Variants in PAX2 observed in about 807,000 individuals in gnomAD.
PAX2 encodes the protein paired box 2, also known as paired box protein Pax-2.
PAX2 carries 9 observed loss-of-function variants against 41.7 expected under a neutral mutation model. The observed-to-expected ratio is 0.22, with a 90% CI of 0.13 to 0.38. PAX2 has a LOEUF of 0.38. Among genes scored for constraint, PAX2 ranks in the 10% least tolerant of loss-of-function variants. PAX2 has a pLI of 1.00. For synonymous variants in PAX2, 221 were observed against 212.7 expected, an observed-to-expected ratio of 1.04 and a Z score of -0.34; for missense variants, 418 against 531.6, an observed-to-expected ratio of 0.79 and a Z score of 2.10.
chr10:100,828,816 A>C lies in PAX2; in HGVS notation c.*1197A>C. The C allele has an allele frequency of 4.4e-6, 1 of 229,116 alleles. No homozygotes were observed. The highest frequency in any genetic ancestry group is 8.7e-6 in the Non-Finnish European group (1 of 114,862). 14.2% of individuals were successfully genotyped at this position (229,116 alleles called of 1,614,324 possible). ...ATTTATTTAATATGATGGTCTTTGC[A>C]AAAAGGAACAAAACAACACAAAAGC... On this transcript the variant is annotated 3_prime_UTR_variant, in exon 10 of 10. Coordinates refer to ENST00000355243, the MANE Select transcript of PAX2 (RefSeq NM_000278.5). The surrounding 1 kb of genome is among the most constrained non-coding windows in gnomAD (Gnocchi z 6.5).
chr10:100,756,549 G>A (rs887905082), intron 3 of PAX2, among the ~76,000 whole-genome samples: 7 of 152,184 alleles, frequency 4.6e-5, no homozygotes, highest in Admixed American at 1.3e-4. Context: ...TGTGTTAGAT[G>A]ACTTTGGCCA....
intron 5 of PAX2, among the ~76,000 whole-genome samples, chr10:100,802,636 G>A (rs1021600681): frequency 6.6e-6 from 1 of 152,152 alleles, no homozygotes; most frequent in Non-Finnish European, 1.5e-5. Flanking sequence ...AATGCCACCC[G>A]GGAGAGTCTG....
rs892280255 is a variant in PAX2 at position 100,828,050 on chromosome 10, G to C, written c.*431G>C. The C allele has an allele frequency of 2.3e-4, 55 of 239,384 alleles. 1 individual carries two copies. The Admixed American group carries it at 2.8e-3, about 12-fold the overall frequency. 14.8% of individuals were successfully genotyped at this position (239,384 alleles called of 1,614,324 possible). On this transcript the variant is annotated 3_prime_UTR_variant, in exon 10 of 10. Coordinates refer to ENST00000355243, the MANE Select transcript of PAX2 (RefSeq NM_000278.5). The surrounding 1 kb of genome is among the most constrained non-coding windows in gnomAD (Gnocchi z 6.5). Reference sequence around the variant, plus strand: ...GCGGACCGCAGCGCGGCCCAGCCCCGGGCACCCGCCTCGGACGCTCGGGCG... The same window carrying C: ...GCGGACCGCAGCGCGGCCCAGCCCCCGGCACCCGCCTCGGACGCTCGGGCG...
At position 100,745,995 on chromosome 10, in the gene PAX2, C is replaced by T. The variant is rs1436468037; in HGVS notation, c.-266C>T. 3 of 1,366,698 alleles carry T rather than the reference C, an allele frequency of 2.2e-6. No homozygotes were observed. Among genetic ancestry groups the T allele is most frequent in the Non-Finnish European group, 2.8e-6 (3 of 1,065,274 alleles). 84.7% of individuals were successfully genotyped at this position (1,366,698 alleles called of 1,614,324 possible). A position where few individuals can be genotyped will look rare whatever the true frequency, so the allele number is the denominator to read the frequency against. Reference sequence around the variant, plus strand: ...AGTGCACCCCGGCCCGGCCCACCGCCCCGGGGCCATTCTGCTGACCGCCCA... The same window carrying T: ...AGTGCACCCCGGCCCGGCCCACCGCTCCGGGGCCATTCTGCTGACCGCCCA... On this transcript the variant is annotated 5_prime_UTR_variant, in exon 1 of 10. Coordinates refer to ENST00000355243, the MANE Select transcript of PAX2 (RefSeq NM_000278.5).
chr10:100,771,536 T>C (rs1452392088), intron 3 of PAX2, among the ~76,000 whole-genome samples: 1 of 152,202 alleles, frequency 6.6e-6, no homozygotes, highest in Non-Finnish European at 1.5e-5. Flanking sequence ...ATTTCAATTT[T>C]TCAGTTCCTG....
chr10:100,824,573 G>A lies in PAX2; in HGVS notation c.920-75G>A, dbSNP rs374673945. On this transcript the variant is annotated intron_variant, in intron 7 of 9. Coordinates refer to ENST00000355243, the MANE Select transcript of PAX2 (RefSeq NM_000278.5). The surrounding 1 kb of genome is among the most constrained non-coding windows in gnomAD (Gnocchi z 6.6). ...TTTCCTCTCCAAGAGTTTCCTCTCC[G>A]TGCAGTACCCTGGTGTGAGTAGAGG... The A allele has an allele frequency of 4.2e-5, 43 of 1,026,548 alleles. No homozygotes were observed. The highest frequency in any genetic ancestry group is 2.5e-4 in the South Asian group (20 of 79,476). The allele number at this position is 1,026,548 out of a possible 1,614,324, so 63.6% of individuals were successfully genotyped here. A position where few individuals can be genotyped will look rare whatever the true frequency, so the allele number is the denominator to read the frequency against.
upstream of PAX2, among the ~76,000 whole-genome samples, chr10:100,744,418 G>A (rs1049963677): frequency 3.3e-5 from 5 of 152,262 alleles, no homozygotes; most frequent in African/African-American, 7.2e-5. Context: ...CGGATATTCT[G>A]TACTTAACCA....
chr10:100,807,813 C>A (rs143527297), intron 6 of PAX2, among the ~76,000 whole-genome samples: 4 of 152,254 alleles, frequency 2.6e-5, no homozygotes, highest in Non-Finnish European at 5.9e-5. Context: ...CACACATGCA[C>A]GTCAGTGCAG....
chr10:100,743,576 C>T (rs1845041159), upstream of PAX2, among the ~76,000 whole-genome samples: 1 of 152,194 alleles, frequency 6.6e-6, no homozygotes, highest in Non-Finnish European at 1.5e-5. Flanking sequence ...TTCCTTTCAC[C>T]CCAGTTCTGG....
intron 5 of PAX2, among the ~76,000 whole-genome samples, chr10:100,786,223 T>C (rs149198797): frequency 8.7e-4 from 132 of 152,342 alleles, no homozygotes; most frequent in Non-Finnish European, 1.5e-3. Context: ...AGGAAAGCTG[T>C]CGTCCTCACA....
At chr10:100,781,609 G>A (rs754515979) in intron 5 of PAX2, among the ~76,000 whole-genome samples, 2 of 152,304 alleles carry the variant, frequency 1.3e-5, no homozygotes, top group East Asian at 1.9e-4. Flanking sequence ...TCACCCTATC[G>A]ATCCCTGTGG....
At position 100,826,966 on chromosome 10, in the gene PAX2, T is replaced by C. The variant is rs2270185; in HGVS notation, c.1022-43T>C. 67,519 of 1,400,374 alleles carry C rather than the reference T, an allele frequency of 0.048. 2,599 individuals are homozygous for C. The highest frequency in any genetic ancestry group is 0.16 in the African/African-American group (10,957 of 70,448). The allele number at this position is 1,400,374 out of a possible 1,614,324, so 86.7% of individuals were successfully genotyped here. On this transcript the variant is annotated intron_variant, in intron 8 of 9. Coordinates refer to ENST00000355243, the MANE Select transcript of PAX2 (RefSeq NM_000278.5). This position sits in a 1 kb window ranked among gnomAD's most constrained non-coding sequence, Gnocchi z 5.5. ...CCGGCCGGACTCGTGGGGTCCGCCCTGGCTTGCAGGCGTCTGATCCCCACT... is the reference window on the plus strand; with the variant it reads ...CCGGCCGGACTCGTGGGGTCCGCCCCGGCTTGCAGGCGTCTGATCCCCACT...
chr10:100,735,610 G>GGGC (rs994259552), exon 1 of PAX2: 12 of 982,888 alleles, frequency 1.2e-5, no homozygotes, highest in African/African-American at 1.7e-5. Context: ...CCAGATCTCC[G>GGGC]GGCGGCGGCG....
rs139562003 is a variant in PAX2 at position 100,788,266 on chromosome 10, C to T, written c.616+6901C>T. Among the ~76,000 whole-genome samples, 776 of 152,340 alleles carry T rather than the reference C, an allele frequency of 5.1e-3. 11 individuals are homozygous for T. The highest frequency in any genetic ancestry group is 0.018 in the African/African-American group (743 of 41,568). Reference sequence around the variant, plus strand: ...AGCTCTGCTCCTGGCCGCCCGCGATCGCCTCCTTTTGTAGGCTGCCTCCAT... The same window carrying T: ...AGCTCTGCTCCTGGCCGCCCGCGATTGCCTCCTTTTGTAGGCTGCCTCCAT... On this transcript the variant is annotated intron_variant, in intron 5 of 9. Coordinates refer to ENST00000355243, the MANE Select transcript of PAX2 (RefSeq NM_000278.5).
chr10:100,741,319 GA>G (rs200643043), upstream of PAX2, among the ~76,000 whole-genome samples: 51 of 134,700 alleles, frequency 3.8e-4, no homozygotes, highest in African/African-American at 7.8e-4. Context: ...GGTCTTAGAT[GA>G]AAAAAAAAAG....
At chr10:100,769,594 C>CT (rs1846137999) in intron 3 of PAX2, among the ~76,000 whole-genome samples, 1 of 146,402 alleles carries the variant, frequency 6.8e-6, no homozygotes, top group Non-Finnish European at 1.5e-5. Context: ...GTACTCCAGC[C>CT]TGGGCAACAG....
intron 3 of PAX2, among the ~76,000 whole-genome samples, chr10:100,759,926 T>A (rs1295207590): frequency 6.6e-6 from 1 of 152,106 alleles, no homozygotes; most frequent in Non-Finnish European, 1.5e-5. Flanking sequence ...GGCAGGCAGA[T>A]GATAGAAGCT....
At chr10:100,760,933 G>A (rs549561092) in intron 3 of PAX2, among the ~76,000 whole-genome samples, 3 of 152,158 alleles carry the variant, frequency 2.0e-5, no homozygotes, top group Non-Finnish European at 2.9e-5. Flanking sequence ...GCAGCCTGCC[G>A]ACTGTGACTG....
chr10:100,756,618 A>T (rs1269760477), intron 3 of PAX2, among the ~76,000 whole-genome samples: 1 of 152,202 alleles, frequency 6.6e-6, no homozygotes, highest in Non-Finnish European at 1.5e-5. Flanking sequence ...TGTTCCATAG[A>T]TTAGCTGTAT....
Sources: allele counts gnomAD v4.1 joint callset (sites outside exome capture counted in the v4.1 genomes callset), GRCh38; gene constraint gnomAD v4.1.1; non-coding constraint Gnocchi (gnomAD v3.1); transcripts MANE v1.5; gene names NCBI Gene and HGNC (gene_info 2026-07-23, HGNC 2026-07-21).